PCDHAC1: variants seen among roughly 807,000 people sequenced by gnomAD.
The protein encoded by PCDHAC1 is protocadherin alpha subfamily C, 1.
PCDHAC1 carries 42 observed loss-of-function variants against 60.0 expected under a neutral mutation model. That is an observed-to-expected ratio of 0.70 (90% CI 0.55 to 0.90). PCDHAC1 has a LOEUF of 0.90. Ranked by LOEUF, PCDHAC1 falls within the 40% of genes least tolerant of loss-of-function variation. The pLI is 0.00. For missense variants in PCDHAC1, 1,160 were observed against 1,222.3 expected, an observed-to-expected ratio of 0.95 and a Z score of 0.76; for synonymous variants, 468 against 499.3, an observed-to-expected ratio of 0.94 and a Z score of 0.84.
intron 1 of PCDHAC1, chr5:140,967,843 T>G (rs782701780): frequency 6.2e-7 from 1 of 1,614,102 alleles, no homozygotes; most frequent in East Asian, 2.2e-5. Flanking sequence ...TGGACGTGAA[T>G]GACAATGCCC....
chr5:141,003,445 G>A (rs2098125256), intron 3 of PCDHAC1, among the ~76,000 whole-genome samples: 1 of 152,112 alleles, frequency 6.6e-6, no homozygotes, highest in African/African-American at 2.4e-5. Flanking sequence ...CCAAGTAGAT[G>A]AAATTACAGG....
At position 140,969,430 on chromosome 5, in the gene PCDHAC1, A is replaced by T. The variant is rs1554231789; in HGVS notation, c.2434-9519A>T. 4 of 1,554,706 alleles carry T rather than the reference A, an allele frequency of 2.6e-6. No homozygotes were observed. The Admixed American group carries it at 7.8e-5, about 30-fold the overall frequency. ...CTTTATTGAGTCATTAACAGTGACA[A>T]GAGTTATCTGGTAAACTGAGTATAT... On this transcript the variant is annotated intron_variant, in intron 1 of 3. Transcript: ENST00000253807.
At chr5:140,947,153 C>T (rs1306730368) in intron 1 of PCDHAC1, among the ~76,000 whole-genome samples, 4 of 150,836 alleles carry the variant, frequency 2.7e-5, no homozygotes, top group African/African-American at 4.9e-5. Context: ...GTTACTTCCA[C>T]GGGGTAGAAA....
chr5:140,993,380 C>G (rs1304300325), intron 3 of PCDHAC1, among the ~76,000 whole-genome samples: 1 of 151,860 alleles, frequency 6.6e-6, no homozygotes, highest in Non-Finnish European at 1.5e-5. Context: ...CCAGCCGGGT[C>G]CCTGAAACTC....
chr5:140,953,778 A>AT, intron 1 of PCDHAC1, among the ~76,000 whole-genome samples: 1 of 152,106 alleles, frequency 6.6e-6, no homozygotes, highest in South Asian at 2.1e-4. Context: ...ATATTTATTT[A>AT]TTTTTTTCTT....
At chr5:140,942,916 A>G (rs2093393160) in intron 1 of PCDHAC1, among the ~76,000 whole-genome samples, 1 of 152,158 alleles carries the variant, frequency 6.6e-6, no homozygotes, top group Non-Finnish European at 1.5e-5. Context: ...GCGTGAAGAA[A>G]AAAAAAATTG....
chr5:140,966,938 G>T, intron 1 of PCDHAC1: 1 of 1,604,146 alleles, frequency 6.2e-7, no homozygotes, highest in African/African-American at 1.3e-5. Flanking sequence ...CGGCGCGCTC[G>T]TGGGCAACGT....
intron 1 of PCDHAC1, among the ~76,000 whole-genome samples, chr5:140,965,384 A>C (rs1275113616): frequency 6.6e-6 from 1 of 152,222 alleles, no homozygotes; most frequent in Non-Finnish European, 1.5e-5. Flanking sequence ...GGGACACAGA[A>C]GAACAGAAGT....
chr5:140,940,158 C>T (rs1159450232), intron 1 of PCDHAC1, among the ~76,000 whole-genome samples: 3 of 151,970 alleles, frequency 2.0e-5, no homozygotes, highest in African/African-American at 7.3e-5. Context: ...TTTTTGTTTG[C>T]CTGAAATGTC....
At position 140,928,834 on chromosome 5, in the gene PCDHAC1, T is replaced by G; in HGVS notation, c.1942T>G (p.Ser648Ala). 3 of 1,614,178 alleles carry G rather than the reference T, an allele frequency of 1.9e-6. No individual in the cohort carries two copies. Among genetic ancestry groups the G allele is most frequent in the Non-Finnish European group, 2.5e-6 (3 of 1,180,042 alleles). The change falls in exon 1 of 4, where the codon TCC becomes GCC. Residue 648 changes from serine to alanine, a missense_variant. By Grantham distance (99) the Ser-to-Ala change is moderately conservative. Around this residue, in one of 3 missense-constraint regions of PCDHAC1, gnomAD observed 1,113 missense variants for 1,163.7 expected, o/e 0.96. Transcript: ENST00000253807. Reference sequence around the variant, plus strand: ...GGACCATGGAGACCCACCACTTTCCTCCTCTGTCACTCTGGGTGTGCTGTT... The same window carrying G: ...GGACCATGGAGACCCACCACTTTCCGCCTCTGTCACTCTGGGTGTGCTGTT... ...VRDHGDPPLS[S>A]SVTLGVLLSN...
At chr5:140,966,755 C>A in intron 1 of PCDHAC1, 1 of 1,434,520 alleles carries the variant, frequency 7.0e-7, no homozygotes, top group South Asian at 1.5e-5. Context: ...GCCTCCGCCG[C>A]GGCCAGTGGC....
intron 1 of PCDHAC1, chr5:140,966,920 C>G: frequency 6.2e-7 from 1 of 1,602,674 alleles, no homozygotes; most frequent in Non-Finnish European, 8.5e-7. Flanking sequence ...GCCAGAGGAG[C>G]AGGCACCCGG....
intron 3 of PCDHAC1, among the ~76,000 whole-genome samples, chr5:140,997,495 C>T (rs1255911617): frequency 6.6e-6 from 1 of 152,078 alleles, no homozygotes; most frequent in East Asian, 1.9e-4. Context: ...ATTTGTGTAT[C>T]TCAACATACC....
intron 3 of PCDHAC1, among the ~76,000 whole-genome samples, chr5:141,004,550 G>A (rs1554259606): frequency 6.6e-6 from 1 of 152,222 alleles, no homozygotes; most frequent in African/African-American, 2.4e-5. Flanking sequence ...TCCTTTAACT[G>A]TGCAAGATGA....
intron 1 of PCDHAC1, chr5:140,969,475 C>A: frequency 1.4e-6 from 2 of 1,476,386 alleles, no homozygotes; most frequent in South Asian, 1.4e-5. Context: ...ACAATTTGAT[C>A]ATAATCTGCT....
intron 1 of PCDHAC1, among the ~76,000 whole-genome samples, chr5:140,930,805 A>T (rs2087129378): frequency 6.6e-6 from 1 of 152,218 alleles, no homozygotes; most frequent in Non-Finnish European, 1.5e-5. Flanking sequence ...CCAGCATATA[A>T]GATATGCTTA....
chr5:140,928,271 C>G lies in PCDHAC1; in HGVS notation c.1379C>G (p.Pro460Arg). The G allele has an allele frequency of 1.2e-6, 2 of 1,614,186 alleles. No individual in the cohort carries two copies. Among genetic ancestry groups the G allele is most frequent in the East Asian group, 4.5e-5 (2 of 44,876 alleles). ...QELFVAENNG[P>R]GASLGRVFAQ... is the part of the protein sequence containing the mutation. ...CTTTTCGTTGCTGAAAACAATGGCC[C>G]TGGGGCCTCTCTAGGCCGAGTGTTT... is the stretch of plus-strand genomic sequence containing the variant. Residue 460 changes from proline to arginine, a missense_variant, in exon 1 of 4, where the codon CCT (proline) becomes CGT (arginine). Pro to Arg is a moderately radical substitution (Grantham distance 103). Around this residue, in one of 3 missense-constraint regions of PCDHAC1, gnomAD observed 1,113 missense variants for 1,163.7 expected, o/e 0.96. Coordinates refer to ENST00000253807, the MANE Select transcript of PCDHAC1 (RefSeq NM_018898.5).
At chr5:140,995,570 A>G (rs186345842) in intron 3 of PCDHAC1, among the ~76,000 whole-genome samples, 1 of 152,210 alleles carries the variant, frequency 6.6e-6, no homozygotes, top group African/African-American at 2.4e-5. Flanking sequence ...ATATGTCAAG[A>G]TGAGCTATGA....
chr5:140,967,017 C>T, intron 1 of PCDHAC1: 1 of 1,606,892 alleles, frequency 6.2e-7, no homozygotes, highest in Non-Finnish European at 8.5e-7. Context: ...CATCTGGGTG[C>T]GCCCAGTCCG....
Sources: gnomAD v4.1 joint callset for allele counts (sites outside exome capture counted in the v4.1 genomes callset) on GRCh38, gnomAD v4.1.1 for gene constraint, gnomAD v4.1.1 regional missense constraint, MANE v1.5 for transcripts, NCBI Gene and HGNC (gene_info 2026-07-23, HGNC 2026-07-21) for gene names.